The following DRC2 variants were observed in gnomAD, a reference collection of about 807,000 sequenced individuals.
The protein encoded by DRC2 is coiled-coil domain containing 65.
At chr12:48,915,579 C>T in the DRC2 span, among the ~76,000 whole-genome samples, 9 of 152,042 alleles carry the variant, frequency 5.9e-5, no homozygotes, top group Non-Finnish European at 4.4e-5. Context: ...CTTTCTATTC[C>T]GCAAAGCCGC....
At chr12:48,916,160 C>T in the DRC2 span, among the ~76,000 whole-genome samples, 3 of 151,046 alleles carry the variant, frequency 2.0e-5, no homozygotes, top group African/African-American at 7.3e-5. Flanking sequence ...AGACGATGGG[C>T]GGCCAGGCAG....
the DRC2 span, among the ~76,000 whole-genome samples, chr12:48,919,732 G>A: frequency 6.6e-6 from 1 of 151,834 alleles, no homozygotes; most frequent in East Asian, 2.0e-4. Flanking sequence ...TGGCCAGGAC[G>A]TTCTCGAACT....
At chr12:48,904,873 A>G in the DRC2 span, 1 of 1,310,806 alleles carries the variant, frequency 7.6e-7, no homozygotes, top group South Asian at 1.5e-5. Context: ...GTCAGCTGAT[A>G]AATTAAGAGT....
chr12:48,906,283 C>G, the DRC2 span, among the ~76,000 whole-genome samples: 240 of 152,012 alleles, frequency 1.6e-3, 1 homozygote, highest in African/African-American at 5.6e-3. Flanking sequence ...CCACATACCC[C>G]ACCAGTTACA....
chr12:48,918,321 T>C, the DRC2 span: 1 of 1,614,042 alleles, frequency 6.2e-7, no homozygotes, highest in Non-Finnish European at 8.5e-7. Context: ...GAGAACAGAG[T>C]AGAAGATCTG....
the DRC2 span, chr12:48,914,460 C>A: frequency 1.2e-6 from 2 of 1,614,168 alleles, no homozygotes; most frequent in Non-Finnish European, 1.7e-6. Context: ...CCCTGCGCAG[C>A]CACTTGCACA....
At chr12:48,912,940 A>T in the DRC2 span, among the ~76,000 whole-genome samples, 6 of 151,970 alleles carry the variant, frequency 3.9e-5, no homozygotes, top group Non-Finnish European at 8.8e-5. Flanking sequence ...GATCGAGACC[A>T]TCCTGGCCAA....
chr12:48,921,092 G>A, the DRC2 span: 667 of 1,610,180 alleles, frequency 4.1e-4, 1 homozygote, highest in Non-Finnish European at 5.2e-4. Flanking sequence ...GGTAAAGCCC[G>A]GGGGATGGTG....
chr12:48,912,725 A>AT, the DRC2 span, among the ~76,000 whole-genome samples: 1 of 152,072 alleles, frequency 6.6e-6, no homozygotes. Context: ...GATGGGAGAT[A>AT]TTGCTGTGAT....
At chr12:48,919,435 C>T in the DRC2 span, among the ~76,000 whole-genome samples, 4 of 152,054 alleles carry the variant, frequency 2.6e-5, no homozygotes, top group Non-Finnish European at 5.9e-5. Flanking sequence ...TGGCCTCAGA[C>T]GATCTTCCCA....
chr12:48,905,836 A>G, the DRC2 span, among the ~76,000 whole-genome samples: 1 of 151,934 alleles, frequency 6.6e-6, no homozygotes, highest in Non-Finnish European at 1.5e-5. Context: ...CAGTGGCACA[A>G]TCTCGGCTCA....
the DRC2 span, among the ~76,000 whole-genome samples, chr12:48,906,442 C>T: frequency 0.052 from 7,908 of 151,734 alleles, 304 homozygotes; most frequent in South Asian, 0.19. Flanking sequence ...TGTGCCACCA[C>T]GCCCACTAAT....
the DRC2 span, chr12:48,921,275 T>C: frequency 6.2e-7 from 1 of 1,614,156 alleles, no homozygotes; most frequent in Non-Finnish European, 8.5e-7. Context: ...TAGATATCAA[T>C]GGGAAGCTGC....
chr12:48,920,672 C>CTA, the DRC2 span, among the ~76,000 whole-genome samples: 1 of 151,542 alleles, frequency 6.6e-6, no homozygotes, highest in Non-Finnish European at 1.5e-5. Context: ...TAGGCATGTG[C>CTA]TACCATGCCT....
chr12:48,905,432 G>C, the DRC2 span, among the ~76,000 whole-genome samples: 1 of 152,178 alleles, frequency 6.6e-6, no homozygotes, highest in Non-Finnish European at 1.5e-5. Flanking sequence ...CTCAGTTCCA[G>C]AGGGGAACTG....
chr12:48,912,273 T>TA, the DRC2 span, among the ~76,000 whole-genome samples: 2 of 146,436 alleles, frequency 1.4e-5, no homozygotes, highest in African/African-American at 5.1e-5. Context: ...TACTAAAAAA[T>TA]AAAAAAATTA....
the DRC2 span, chr12:48,918,289 G>A: frequency 6.2e-7 from 1 of 1,613,962 alleles, no homozygotes; most frequent in Non-Finnish European, 8.5e-7. Context: ...TAGAAGAGAA[G>A]CACTTTCTAA....
At chr12:48,921,108 T>C in the DRC2 span, 6 of 1,609,870 alleles carry the variant, frequency 3.7e-6, no homozygotes, top group African/African-American at 6.7e-5. Context: ...TGGTGGGGCA[T>C]TGGGCAGCAT....
the DRC2 span, chr12:48,920,977 C>T: frequency 4.3e-6 from 7 of 1,613,136 alleles, no homozygotes; most frequent in South Asian, 1.1e-5. Flanking sequence ...AATTTGAAAC[C>T]GAAGAAGAAA....
Sources: gnomAD v4.1 joint callset for allele counts (sites outside exome capture counted in the v4.1 genomes callset) on GRCh38, gnomAD v4.1.1 for gene constraint, MANE v1.5 for transcripts, NCBI Gene and HGNC (gene_info 2026-07-23, HGNC 2026-07-21) for gene names.